C2orf42: variants seen among roughly 807,000 people sequenced by gnomAD.
C2orf42 encodes uncharacterized protein C2orf42.
In C2orf42, 44 loss-of-function variants were observed where a neutral mutation model predicts 58.9. That is an observed-to-expected ratio of 0.75 (90% CI 0.59 to 0.96). The LOEUF (loss-of-function observed/expected upper bound fraction) is 0.96, where lower values mean the gene tolerates loss of function less well. C2orf42 is among the 40% of genes least tolerant of loss of function. The pLI is 0.00. For missense variants in C2orf42, 630 were observed against 699.2 expected (o/e 0.90, Z 1.12); for synonymous variants, 239 against 265.4 (o/e 0.90, Z 0.97).
chr2:70,186,621 A>C (rs2103670887), intron 1 of C2orf42, among the ~76,000 whole-genome samples: 1 of 152,354 alleles, frequency 6.6e-6, no homozygotes, highest in African/African-American at 2.4e-5. Context: ...CCAAAGGACT[A>C]TAAATCATGC....
intron 1 of C2orf42, among the ~76,000 whole-genome samples, chr2:70,184,213 G>GACT (rs10630202): frequency 0.57 from 85,905 of 151,628 alleles, 27,378 homozygotes; most frequent in African/African-American, 0.87. Flanking sequence ...TTAATCAGTG[G>GACT]ATAGAAGATG....
intron 9 of C2orf42, among the ~76,000 whole-genome samples, chr2:70,156,155 CA>C (rs1174897225): frequency 2.8e-5 from 4 of 142,820 alleles, no homozygotes; most frequent in African/African-American, 7.7e-5. Context: ...AACTCCGTCT[CA>C]AAAAAAAAAG....
rs541830249 is a variant in C2orf42 at position 70,186,870 on chromosome 2, G to A, written c.-281-3935C>T. ...TCGCAAGGACAAAAAACCAAACACC[G>A]CATGTTCTCACTCATAGATGGGAAT... On this transcript the variant is annotated intron_variant, in intron 1 of 9. Coordinates refer to ENST00000264434, the MANE Select transcript of C2orf42 (RefSeq NM_017880.3). Among the ~76,000 whole-genome samples the A allele has an allele frequency of 1.9e-4, 29 of 150,894 alleles. No individual in the cohort carries two copies. The Middle Eastern group carries it at 0.02, about 106-fold the overall frequency.
Position 70,150,465 on chromosome 2 carries a change from A to G in C2orf42, c.1616T>C (p.Phe539Ser). ...CCCATTCCGGTGGTGGCCATACTCA[A>G]ACTTGATCCGCAGCTCGCCAATCTT... ...QSKIGELRIK[F>S]EYGHHRNGHV... is the part of the protein sequence containing the mutation. The change falls in exon 10 of 10, where the codon TTT becomes TCT. Residue 539 changes from phenylalanine to serine, a missense_variant. Transcript: ENST00000264434. The G allele has an allele frequency of 6.2e-7, 1 of 1,614,142 alleles. No homozygotes were observed. Among genetic ancestry groups the G allele is most frequent in the Non-Finnish European group, 8.5e-7 (1 of 1,180,016 alleles).
intron 1 of C2orf42, among the ~76,000 whole-genome samples, chr2:70,187,098 T>G (rs1454015731): frequency 2.0e-5 from 3 of 151,824 alleles, no homozygotes; most frequent in African/African-American, 7.3e-5. Context: ...AAACTTAAAG[T>G]ATAATAATAA....
intron 9 of C2orf42, among the ~76,000 whole-genome samples, chr2:70,158,450 G>A (rs199765308): frequency 0.021 from 2,307 of 108,458 alleles, 50 homozygotes; most frequent in African/African-American, 0.12. Flanking sequence ...TTATTTATTT[G>A]TTTGTTTGTT....
intron 9 of C2orf42, among the ~76,000 whole-genome samples, chr2:70,152,693 A>T (rs971044063): frequency 6.6e-6 from 1 of 152,158 alleles, no homozygotes; most frequent in Non-Finnish European, 1.5e-5. Flanking sequence ...ATGTACCTGA[A>T]TTCTTGATGA....
At chr2:70,160,073 A>G (rs1672955168) in intron 9 of C2orf42, among the ~76,000 whole-genome samples, 1 of 152,136 alleles carries the variant, frequency 6.6e-6, no homozygotes, top group African/African-American at 2.4e-5. Context: ...GCCACCAGAT[A>G]GATCACAAAG....
chr2:70,162,821 T>C (rs1295191855), intron 8 of C2orf42, among the ~76,000 whole-genome samples: 1 of 152,062 alleles, frequency 6.6e-6, no homozygotes, highest in Non-Finnish European at 1.5e-5. Context: ...AACAGAAGAA[T>C]GCCTTGCAAT....
At chr2:70,185,103 A>T (rs1303683136) in intron 1 of C2orf42, among the ~76,000 whole-genome samples, 1 of 134,382 alleles carries the variant, frequency 7.4e-6, no homozygotes, top group East Asian at 2.4e-4. Context: ...AAAAATAAAA[A>T]TAAAAAAATG....
intron 1 of C2orf42, among the ~76,000 whole-genome samples, chr2:70,183,729 T>TTA (rs1674735987): frequency 1.4e-5 from 2 of 141,858 alleles, no homozygotes; most frequent in South Asian, 2.2e-4. Context: ...CCCATCTCTT[T>TTA]AAAAAAAAAA....
chr2:70,190,929 AC>A (rs1675320610), intron 1 of C2orf42, 43 bp downstream of exon 1: 4 of 150,990 alleles, frequency 2.6e-5, no homozygotes, highest in Non-Finnish European at 4.4e-5. Context: ...TGCCCTGCGC[AC>A]CCCCCGCGAG....
chr2:70,156,485 G>T (rs1672684596), intron 9 of C2orf42, among the ~76,000 whole-genome samples: 1 of 151,960 alleles, frequency 6.6e-6, no homozygotes, highest in Non-Finnish European at 1.5e-5. Flanking sequence ...AACATGGCAA[G>T]ACCCTGTCTC....
At position 70,159,578 on chromosome 2, in the gene C2orf42, G is replaced by A. The variant is rs145867559; in HGVS notation, c.1516+1047C>T. Among the ~76,000 whole-genome samples the A allele has an allele frequency of 3.0e-3, 436 of 143,020 alleles. 4 individuals carry two copies. The highest frequency in any genetic ancestry group is 0.011 in the African/African-American group (417 of 37,688). 93.8% of individuals were successfully genotyped at this position (143,020 alleles called of 152,430 possible). On this transcript the variant is annotated intron_variant, in intron 9 of 9. Coordinates refer to ENST00000264434, the MANE Select transcript of C2orf42 (RefSeq NM_017880.3). The stretch of plus-strand genomic sequence containing the variant: ...ACTCTATCCAGCCTGGTGACAGAGC[G>A]AGACTCCCTCTCCAAAAAAAAAAAA...
chr2:70,154,121 G>T (rs1409488185), intron 9 of C2orf42, among the ~76,000 whole-genome samples: 2 of 149,216 alleles, frequency 1.3e-5, no homozygotes, highest in Non-Finnish European at 3.0e-5. Context: ...ATCCACAAAA[G>T]AAAAAAAATA....
chr2:70,185,798 T>C (rs74710463), intron 1 of C2orf42, among the ~76,000 whole-genome samples: 9,463 of 149,448 alleles, frequency 0.063, 346 homozygotes, highest in East Asian at 0.17. Context: ...CACACACACA[T>C]ATATATATAT....
At chr2:70,169,991 T>G (rs1673688833) in intron 5 of C2orf42, among the ~76,000 whole-genome samples, 2 of 152,166 alleles carry the variant, frequency 1.3e-5, no homozygotes, top group Admixed American at 1.3e-4. Context: ...ACTCCTGACC[T>G]CAGGTGATCC....
At chr2:70,171,198 C>T (rs1228714885) in intron 5 of C2orf42, among the ~76,000 whole-genome samples, 1 of 152,030 alleles carries the variant, frequency 6.6e-6, no homozygotes, top group African/African-American at 2.4e-5. Context: ...ATTGTTTGAG[C>T]CCAGGAGGCA....
chr2:70,187,317 C>T (rs895321296), intron 1 of C2orf42, among the ~76,000 whole-genome samples: 4 of 152,186 alleles, frequency 2.6e-5, no homozygotes, highest in Non-Finnish European at 4.4e-5. Flanking sequence ...ATGACGCAAT[C>T]TCAGCTCACT....
Sources: gnomAD v4.1 joint callset for allele counts (sites outside exome capture counted in the v4.1 genomes callset) on GRCh38, gnomAD v4.1.1 for gene constraint, MANE v1.5 for transcripts, NCBI Gene and HGNC (gene_info 2026-07-23, HGNC 2026-07-21) for gene names.